Variants in PLAUR observed in about 807,000 individuals in gnomAD.
The protein encoded by PLAUR is plasminogen activator, urokinase receptor, also known as urokinase plasminogen activator surface receptor.
In PLAUR, 22 loss-of-function variants were observed where a neutral mutation model predicts 33.4. The ratio of observed to expected loss-of-function variants is 0.66; its 90% CI spans 0.47 to 0.94. The LOEUF (loss-of-function observed/expected upper bound fraction) is 0.94, where lower values mean the gene tolerates loss of function less well. PLAUR is among the 40% of genes least tolerant of loss of function. The pLI, the probability that PLAUR is intolerant of heterozygous loss-of-function variation, is 0.00. For synonymous variants in PLAUR, 148 were observed against 167.3 expected (o/e 0.88, Z 0.89); for missense variants, 408 against 434.7 (o/e 0.94, Z 0.55).
At chr19:43,652,712 G>C (rs550653801) in intron 5 of PLAUR, among the ~76,000 whole-genome samples, 1 of 151,990 alleles carries the variant, frequency 6.6e-6, no homozygotes, top group Non-Finnish European at 1.5e-5. Context: ...GTGCAGTGGC[G>C]CAATTGTAGC....
chr19:43,656,537 G>C lies in PLAUR; in HGVS notation c.414C>G (p.Arg138=). The C allele has an allele frequency of 1.2e-6, 2 of 1,612,080 alleles. No homozygotes were observed. Among genetic ancestry groups the C allele is most frequent in the Non-Finnish European group, 1.7e-6 (2 of 1,178,724 alleles). The change falls in exon 4 of 7, where the codon CGC becomes CGG. Residue 138 remains arginine, a synonymous_variant. Coordinates refer to ENST00000340093, the MANE Select transcript of PLAUR (RefSeq NM_002659.4). ...ERGRHQSLQC[R]SPEEQCLDVV... ...CATCCAGGCACTGTTCTTCAGGGCT[G>C]CGGCACTGCAGGCTCTGGTGCCGGC...
downstream of PLAUR, chr19:43,646,463 A>T (rs186353857): frequency 1.4e-6 from 1 of 718,284 alleles, no homozygotes; most frequent in African/African-American, 1.7e-5. Context: ...GCATTTATAC[A>T]TGAGTAGCTT....
chr19:43,658,813 C>T (rs1974314682), intron 3 of PLAUR, among the ~76,000 whole-genome samples: 1 of 152,172 alleles, frequency 6.6e-6, no homozygotes, highest in Non-Finnish European at 1.5e-5. Flanking sequence ...TCGTCCCCCT[C>T]AAAGAAAAAT....
At chr19:43,662,486 G>A (rs367819667) in intron 3 of PLAUR, among the ~76,000 whole-genome samples, 22 of 152,050 alleles carry the variant, frequency 1.4e-4, no homozygotes, top group Non-Finnish European at 2.2e-4. Flanking sequence ...CAAAAAGAGC[G>A]AAACTCCATC....
intron 3 of PLAUR, 87 bp from the exon 4 acceptor site, chr19:43,656,727 CT>C (rs1974231057): frequency 9.2e-7 from 1 of 1,090,658 alleles, no homozygotes; most frequent in South Asian, 1.6e-5. Flanking sequence ...AAATCAATTC[CT>C]CCTTATCCCA....
chr19:43,667,678 C>T lies in PLAUR; in HGVS notation c.69G>A (p.Leu23=). Residue 23 remains leucine, a synonymous_variant, in exon 2 of 7, where the codon CTG becomes CTA. Coordinates refer to ENST00000340093, the MANE Select transcript of PLAUR (RefSeq NM_002659.4). ...CGTTGGTCTTACACTGCATGCACCG[C>T]AGGCCCCAAGAGGCTGGGGGAAGGA... ...LHTCVPASWG[L]RCMQCKTNGD... is the part of the protein sequence containing the mutation. The T allele has an allele frequency of 1.2e-6, 2 of 1,613,922 alleles. No individual in the cohort carries two copies.
chr19:43,647,805 C>G (rs1264256596), downstream of PLAUR, among the ~76,000 whole-genome samples: 2 of 148,164 alleles, frequency 1.3e-5, no homozygotes, highest in Non-Finnish European at 3.0e-5. Context: ...AACTCCATCT[C>G]AAAAAAAGAA....
At chr19:43,648,134 T>A (rs4251951), downstream of PLAUR, among the ~76,000 whole-genome samples, 2,649 of 152,090 alleles carry the variant, frequency 0.017, 32 homozygotes, top group Non-Finnish European at 0.024. Context: ...ATGTTTCTGG[T>A]TATGCTGATG....
intron 3 of PLAUR, among the ~76,000 whole-genome samples, chr19:43,659,166 TC>T (rs1974332814): frequency 4.1e-5 from 3 of 73,046 alleles, no homozygotes; most frequent in South Asian, 1.1e-3. Flanking sequence ...TCTTTTCTTT[TC>T]TTTTTTTTTT....
intron 6 of PLAUR, 72 bp downstream of exon 6, chr19:43,652,153 C>T: frequency 6.3e-7 from 1 of 1,586,810 alleles, no homozygotes; most frequent in Non-Finnish European, 8.6e-7. Flanking sequence ...TCCAGCTTAA[C>T]TGGAAGTCAA....
Position 43,648,874 on chromosome 19 carries a change from G to A in PLAUR, c.*16C>T. On this transcript the variant is annotated 3_prime_UTR_variant, in exon 7 of 7. Coordinates refer to ENST00000340093, the MANE Select transcript of PLAUR (RefSeq NM_002659.4). ...GTCCCCCGGATCCAGCCAGGGCAGA[G>A]AGGGGGATTTCAGGTTTAGGTCCAG... The A allele has an allele frequency of 6.2e-7, 1 of 1,606,290 alleles. No individual in the cohort carries two copies. The highest frequency in any genetic ancestry group is 8.5e-7 in the Non-Finnish European group (1 of 1,174,160).
intron 6 of PLAUR, 84 bp from the exon 7 acceptor site, chr19:43,649,227 G>C: frequency 6.8e-7 from 1 of 1,476,496 alleles, no homozygotes; most frequent in Non-Finnish European, 9.3e-7. Flanking sequence ...CCACCTTGCA[G>C]TGGGTGCCAC....
At chr19:43,669,457 T>TA (rs1375209940) in intron 1 of PLAUR, among the ~76,000 whole-genome samples, 3 of 152,100 alleles carry the variant, frequency 2.0e-5, no homozygotes, top group Admixed American at 2.0e-4. Context: ...ACGAAATTAA[T>TA]AAAGTCCCAT....
In PLAUR at chr19:43,658,655, T is replaced by C. The variant is rs1040348522; in HGVS notation, c.311-2015A>G. ...CCTTGGCTCACACCATTTCCCATGC[T>C]TGGCATGCCCTCCCCGTCCTGACCC... On this transcript the variant is annotated intron_variant, in intron 3 of 6. Coordinates refer to ENST00000340093, the MANE Select transcript of PLAUR (RefSeq NM_002659.4). Among the ~76,000 whole-genome samples, 77 of 152,148 alleles carry C rather than the reference T, an allele frequency of 5.1e-4. 1 individual carries two copies. The highest frequency in any genetic ancestry group is 2.0e-4 in the Admixed American group (3 of 15,260).
At chr19:43,658,762 G>T (rs752442163) in intron 3 of PLAUR, among the ~76,000 whole-genome samples, 1 of 152,228 alleles carries the variant, frequency 6.6e-6, no homozygotes, top group Admixed American at 6.5e-5. Context: ...CTGGCAGGCC[G>T]CTAGCTGTAA....
In PLAUR at chr19:43,670,142, C is replaced by A; in HGVS notation, c.-22G>T. On this transcript the variant is annotated 5_prime_UTR_variant, in exon 1 of 7. Transcript: ENST00000340093. ...CCATGTCGCGAGGGCAGCTCCTGTG[C>A]GCGGGGTCCCTGCACGTCTTCTCTC... is the stretch of plus-strand genomic sequence containing the variant. 2.5e-6 allele frequency: 4 copies of A among 1,607,304 alleles called. No individual in the cohort carries two copies. Among genetic ancestry groups the A allele is most frequent in the Non-Finnish European group, 3.4e-6 (4 of 1,177,158 alleles).
chr19:43,661,384 CCTTT>C (rs1268943412), intron 3 of PLAUR: 2 of 125,262 alleles, frequency 1.6e-5, no homozygotes, highest in African/African-American at 5.9e-5. Context: ...TCAAGTTTCT[CCTTT>C]CTTTCTTTTT....
In PLAUR at chr19:43,670,057, A is replaced by C; in HGVS notation, c.55+9T>G. The stretch of plus-strand genomic sequence containing the variant: ...TTCCAGGCGCAGGCGTTCGGGACCC[A>C]GCCCCTACCTGGGACGCAGGTGTGG... On this transcript the variant is annotated intron_variant, in intron 1 of 6. Transcript: ENST00000340093. 6.2e-7 allele frequency: 1 copy of C among 1,613,088 alleles called. No homozygotes were observed. Among genetic ancestry groups the C allele is most frequent in the Non-Finnish European group, 8.5e-7 (1 of 1,179,564 alleles).
intron 3 of PLAUR, among the ~76,000 whole-genome samples, chr19:43,662,831 C>T (rs1350800933): frequency 6.6e-6 from 1 of 152,068 alleles, no homozygotes; most frequent in African/African-American, 2.4e-5. Flanking sequence ...CCTCCCGCCT[C>T]AACCTCCCAA....
Sources: gnomAD v4.1 joint callset for allele counts (sites outside exome capture counted in the v4.1 genomes callset) on GRCh38, gnomAD v4.1.1 for gene constraint, MANE v1.5 for transcripts, NCBI Gene and HGNC (gene_info 2026-07-23, HGNC 2026-07-21) for gene names.